Variants in ALKBH3 observed in about 807,000 individuals in gnomAD.
ALKBH3 encodes the protein alpha-ketoglutarate-dependent dioxygenase alkB homolog 3.
In ALKBH3, 51 loss-of-function variants were observed where a neutral mutation model predicts 43.9. The ratio of observed to expected loss-of-function variants is 1.16; its 90% CI spans 0.93 to 1.47. The LOEUF (loss-of-function observed/expected upper bound fraction) is 1.47, where lower values mean the gene tolerates loss of function less well. ALKBH3 is among the 40% of genes most tolerant of loss of function. The probability of loss-of-function intolerance (pLI) is 0.00; values close to 1 mark genes in which losing one functional copy is unlikely to be tolerated. For missense variants in ALKBH3, 361 were observed against 351.9 expected, an observed-to-expected ratio of 1.03 and a Z score of -0.21; for synonymous variants, 102 against 115.2, an observed-to-expected ratio of 0.89 and a Z score of 0.73.
At chr11:43,881,828 T>C (rs33953215) in intron 1 of ALKBH3, among the ~76,000 whole-genome samples, 8,767 of 152,314 alleles carry the variant, frequency 0.058, 521 homozygotes, top group Admixed American at 0.2. Context: ...ATTACAGATG[T>C]GGAACATGTG....
At position 43,891,990 on chromosome 11, in the gene ALKBH3, A is replaced by T. The variant is rs372213455; in HGVS notation, c.371-51A>T. The T allele has an allele frequency of 6.9e-6, 10 of 1,447,868 alleles. No individual in the cohort carries two copies. In the African/African-American group the frequency reaches 1.4e-4, roughly 20 times the overall value. The allele number at this position is 1,447,868 out of a possible 1,614,324, so 89.7% of individuals were successfully genotyped here. On this transcript the variant is annotated intron_variant, in intron 6 of 9. Transcript: ENST00000302708. ...GGCACAAAGTTGGCACTCAGTAGTA[A>T]CACCTTAAATAGCATTAAACCATTT...
chr11:43,898,142 A>G, intron 7 of ALKBH3: 1 of 1,202,084 alleles, frequency 8.3e-7, no homozygotes, highest in Non-Finnish European at 1.2e-6. Flanking sequence ...CCTGATAACA[A>G]ACTAGATGCT....
At chr11:43,911,044 A>G (rs988991514) in intron 8 of ALKBH3, among the ~76,000 whole-genome samples, 2 of 152,242 alleles carry the variant, frequency 1.3e-5, no homozygotes, top group Non-Finnish European at 2.9e-5. Flanking sequence ...GCTAGACTAT[A>G]ATCAAATAAA....
Position 43,888,155 on chromosome 11 carries a change from C to T in ALKBH3, c.266+1502C>T, listed in dbSNP as rs757622533. On this transcript the variant is annotated intron_variant, in intron 5 of 9. Coordinates refer to ENST00000302708, the MANE Select transcript of ALKBH3 (RefSeq NM_139178.4). ...TCACCTAGGCTGGGGTGCAGTGGCA[C>T]GATCTCAGCTCATTGCAACTTCTGC... 3.1e-4 allele frequency among the ~76,000 whole-genome samples: 22 copies of T among 71,488 alleles called. 8 individuals are homozygous for T. Among genetic ancestry groups the T allele is most frequent in the Non-Finnish European group, 5.9e-4 (17 of 28,760 alleles). 46.9% of individuals were successfully genotyped at this position (71,488 alleles called of 152,430 possible). A position where few individuals can be genotyped will look rare whatever the true frequency, so the allele number is the denominator to read the frequency against.
chr11:43,911,600 CTG>C lies in ALKBH3; in HGVS notation c.670-7435_670-7434del, dbSNP rs140433745. Among the ~76,000 whole-genome samples, 824 of 152,342 alleles carry C rather than the reference CTG, an allele frequency of 5.4e-3. 5 individuals carry two copies. Among genetic ancestry groups the C allele is most frequent in the African/African-American group, 0.019 (771 of 41,574 alleles). On this transcript the variant is annotated intron_variant, in intron 8 of 9. Coordinates refer to ENST00000302708, the MANE Select transcript of ALKBH3 (RefSeq NM_139178.4). Reference sequence around the variant, plus strand: ...ATAAATAACAAGTGTATAGTGCTGACTGTGCCTGGCTCTGCTCTAACTTCTTT... The same window carrying C: ...ATAAATAACAAGTGTATAGTGCTGACTGCCTGGCTCTGCTCTAACTTCTTT...
chr11:43,914,807 A>T (rs1222034407), intron 8 of ALKBH3, among the ~76,000 whole-genome samples: 1 of 152,218 alleles, frequency 6.6e-6, no homozygotes, highest in African/African-American at 2.4e-5. Flanking sequence ...TTGTAGATCA[A>T]TAAGAAAACA....
At position 43,920,239 on chromosome 11, in the gene ALKBH3, T is replaced by C. The variant is rs111912215; in HGVS notation, c.*229T>C. The C allele has an allele frequency of 2.1e-6, 1 of 472,558 alleles. No homozygotes were observed. The allele number at this position is 472,558 out of a possible 1,614,324, so 29.3% of individuals were successfully genotyped here. ...CACAGCTCAAAATCGCTATCATCTT[T>C]AGGCAAATTAAAATCTATGTGGCAG... is the stretch of plus-strand genomic sequence containing the variant. On this transcript the variant is annotated 3_prime_UTR_variant, in exon 10 of 10. Coordinates refer to ENST00000302708, the MANE Select transcript of ALKBH3 (RefSeq NM_139178.4).
At chr11:43,898,282 T>C (rs1438776702) in intron 7 of ALKBH3, 3 of 741,364 alleles carry the variant, frequency 4.0e-6, no homozygotes, top group Non-Finnish European at 7.2e-6. Context: ...TCAGTTCCTA[T>C]GTGCATGGGA....
At position 43,895,198 on chromosome 11, in the gene ALKBH3, G is replaced by A. The variant is rs534745535; in HGVS notation, c.459+3069G>A. Among the ~76,000 whole-genome samples, 18 of 152,206 alleles carry A rather than the reference G, an allele frequency of 1.2e-4. No homozygotes were observed. In the South Asian group the frequency reaches 1.2e-3, roughly 11 times the overall value. ...TGCTGAACGTCTGTTTCTTCACTGC[G>A]AAACATATAACATGATATGGTTTGG... On this transcript the variant is annotated intron_variant, in intron 7 of 9. Transcript: ENST00000302708.
intron 7 of ALKBH3, among the ~76,000 whole-genome samples, chr11:43,893,273 C>T (rs1951796430): frequency 6.6e-6 from 1 of 152,180 alleles, no homozygotes; most frequent in African/African-American, 2.4e-5. Flanking sequence ...TACCAGTATG[C>T]ATGACCTCCA....
intron 8 of ALKBH3, among the ~76,000 whole-genome samples, chr11:43,906,365 A>G (rs756744755): frequency 6.6e-6 from 1 of 152,224 alleles, no homozygotes; most frequent in Non-Finnish European, 1.5e-5. Flanking sequence ...AGAAAAGAAG[A>G]TATTGGAATC....
chr11:43,886,781 G>T, intron 5 of ALKBH3, 128 bp downstream of exon 5: 1 of 920,938 alleles, frequency 1.1e-6, no homozygotes, highest in East Asian at 2.6e-5. Flanking sequence ...CCATTAAAAG[G>T]AATGAAAGCA....
At chr11:43,896,319 GT>G (rs1951818734) in intron 7 of ALKBH3, among the ~76,000 whole-genome samples, 3 of 151,654 alleles carry the variant, frequency 2.0e-5, no homozygotes, top group Admixed American at 2.0e-4. Context: ...ATAAAGGGGA[GT>G]TTATTAAGTA....
intron 8 of ALKBH3, chr11:43,918,828 C>T (rs1292924252): frequency 5.1e-5 from 27 of 526,258 alleles, no homozygotes; most frequent in South Asian, 2.8e-5. Context: ...CAGTCACTGT[C>T]ATCCTCCCCA....
chr11:43,883,086 T>G lies in ALKBH3; in HGVS notation c.81T>G (p.Ala27=), dbSNP rs200262136. The change falls in exon 3 of 10, where the codon GCT becomes GCG. Residue 27 remains alanine (A), a splice_region_variant and synonymous_variant. Coordinates refer to ENST00000302708, the MANE Select transcript of ALKBH3 (RefSeq NM_139178.4). ...PVKSQAIAQP[A]TTAKSHLHQK... ...AGGCTGTCCCCTCTCTTGCTTCAGC[T>G]ACCACTGCTAAGAGCCATCTCCACC... The G allele has an allele frequency of 1.5e-5, 25 of 1,613,700 alleles. No individual in the cohort carries two copies. The highest frequency in any genetic ancestry group is 1.5e-4 in the Admixed American group (9 of 60,000).
chr11:43,913,157 A>G (rs1225601650), intron 8 of ALKBH3, among the ~76,000 whole-genome samples: 1 of 151,890 alleles, frequency 6.6e-6, no homozygotes, highest in Non-Finnish European at 1.5e-5. Context: ...ATGGTACACA[A>G]ATATACTTCA....
At chr11:43,919,232 G>A (rs1952008014) in intron 9 of ALKBH3, 96 bp downstream of exon 9, 3 of 1,076,462 alleles carry the variant, frequency 2.8e-6, no homozygotes, top group South Asian at 2.6e-5. Context: ...AAAGCAAGCT[G>A]CTTTTACAAC....
chr11:43,900,679 G>A (rs1166195088), intron 7 of ALKBH3, among the ~76,000 whole-genome samples: 1 of 152,146 alleles, frequency 6.6e-6, no homozygotes, highest in East Asian at 1.9e-4. Flanking sequence ...TGTTCTAAAG[G>A]AAGCTTTGTA....
chr11:43,919,239 C>A, intron 9 of ALKBH3, 103 bp downstream of exon 9: 3 of 991,644 alleles, frequency 3.0e-6, no homozygotes, highest in South Asian at 1.4e-5. Context: ...GCTGCTTTTA[C>A]AACGAGCAAG....
Sources: allele counts gnomAD v4.1 joint callset (sites outside exome capture counted in the v4.1 genomes callset), GRCh38; gene constraint gnomAD v4.1.1; transcripts MANE v1.5; gene names NCBI Gene and HGNC (gene_info 2026-07-23, HGNC 2026-07-21).